PDLIM5: variants seen among roughly 807,000 people sequenced by gnomAD.
PDLIM5 encodes the protein PDZ and LIM domain 5.
Under a neutral mutation model 64.2 loss-of-function variants are expected in PDLIM5, and 34 were observed. That is an observed-to-expected ratio of 0.53 (90% CI 0.40 to 0.71). The LOEUF is 0.71. Among genes scored for constraint, PDLIM5 ranks in the 30% least tolerant of loss-of-function variants. PDLIM5 has a pLI of 0.00. For synonymous variants in PDLIM5, 253 were observed against 269.1 expected (o/e 0.94, Z 0.59); for missense variants, 683 against 733.6 (o/e 0.93, Z 0.80).
chr4:94,485,943 G>A (rs1264578323), intron 2 of PDLIM5, among the ~76,000 whole-genome samples: 2 of 151,968 alleles, frequency 1.3e-5, no homozygotes, highest in Admixed American at 6.6e-5. Context: ...TGTGGTGAAA[G>A]GTCAGTCAAT....
At chr4:94,476,693 A>C (rs1394114248) in intron 2 of PDLIM5, among the ~76,000 whole-genome samples, 1 of 152,070 alleles carries the variant, frequency 6.6e-6, no homozygotes, top group African/African-American at 2.4e-5. Context: ...CATGCTTATA[A>C]TAGTTTAGAG....
chr4:94,596,283 A>T (rs1266860938), intron 7 of PDLIM5, among the ~76,000 whole-genome samples: 1 of 152,112 alleles, frequency 6.6e-6, no homozygotes, highest in Non-Finnish European at 1.5e-5. Flanking sequence ...AAGATCTGTT[A>T]TTTATAAAAG....
At position 94,472,387 on chromosome 4, in the gene PDLIM5, AGTTTTGTTTT is replaced by A. The variant is rs544194695; in HGVS notation, c.96+17019_96+17028del. On this transcript the variant is annotated intron_variant, in intron 2 of 12. Coordinates refer to ENST00000317968, the MANE Select transcript of PDLIM5 (RefSeq NM_006457.5). ...TTCCACAGTGATTGCCATTCAGTGT[AGTTTTGTTTT>A]GTTTTGTTTTGTTTTAGATTCTTTT... 6.6e-5 allele frequency among the ~76,000 whole-genome samples: 10 copies of A among 152,222 alleles called. No homozygotes were observed. The East Asian group carries it at 9.6e-4, about 15-fold the overall frequency.
chr4:94,657,317 G>A, intron 10 of PDLIM5, 110 bp from the exon 11 acceptor site: 1 of 665,468 alleles, frequency 1.5e-6, no homozygotes, highest in Non-Finnish European at 2.6e-6. Flanking sequence ...AAGTATGTGT[G>A]CCTACTTTGG....
At chr4:94,559,121 T>C (rs1733622828) in intron 3 of PDLIM5, among the ~76,000 whole-genome samples, 1 of 152,104 alleles carries the variant, frequency 6.6e-6, no homozygotes, top group Non-Finnish European at 1.5e-5. Flanking sequence ...CCTGAAAAAA[T>C]AAAAAAGATA....
At chr4:94,564,073 C>T (rs2110248388) in intron 3 of PDLIM5, among the ~76,000 whole-genome samples, 1 of 151,408 alleles carries the variant, frequency 6.6e-6, no homozygotes, top group East Asian at 2.0e-4. Flanking sequence ...AAGCGATTCT[C>T]CTGCCTCAGC....
In PDLIM5 at chr4:94,585,099, GT is replaced by G. The variant is rs957251708; in HGVS notation, c.711-459del. 3.2e-5 allele frequency: 23 copies of G among 711,840 alleles called. No homozygotes were observed. The African/African-American group carries it at 3.3e-4, about 10-fold the overall frequency. 44.1% of individuals were successfully genotyped at this position (711,840 alleles called of 1,614,324 possible). ...ATAATTTAAAAGGTTTTTTTGTTTT[GT>G]TTTTTTGTGAAACAGAGTCTCGCTC... On this transcript the variant is annotated intron_variant, in intron 5 of 12. Transcript: ENST00000317968.
intron 7 of PDLIM5, among the ~76,000 whole-genome samples, chr4:94,613,839 T>G (rs539213076): frequency 6.6e-6 from 1 of 152,172 alleles, no homozygotes; most frequent in African/African-American, 2.4e-5. Context: ...AAAATAGCAA[T>G]CTAATTTAAG....
chr4:94,629,477 G>A (rs1344724018), intron 8 of PDLIM5, among the ~76,000 whole-genome samples: 1 of 152,104 alleles, frequency 6.6e-6, no homozygotes, highest in Non-Finnish European at 1.5e-5. Context: ...GCTTTTACTT[G>A]TATCTCTGAC....
chr4:94,648,635 T>A (rs1317426008), intron 9 of PDLIM5, among the ~76,000 whole-genome samples: 2 of 152,156 alleles, frequency 1.3e-5, no homozygotes, highest in Admixed American at 1.3e-4. Context: ...AGTCTATGGG[T>A]TAGCTGAGTA....
chr4:94,566,276 G>A (rs1734309384), intron 3 of PDLIM5, among the ~76,000 whole-genome samples: 1 of 152,132 alleles, frequency 6.6e-6, no homozygotes, highest in Non-Finnish European at 1.5e-5. Flanking sequence ...ACTTTGTCAG[G>A]AAGAATAAAT....
intron 12 of PDLIM5, among the ~76,000 whole-genome samples, chr4:94,663,273 G>T (rs1285391621): frequency 6.6e-6 from 1 of 152,054 alleles, no homozygotes; most frequent in Non-Finnish European, 1.5e-5. Flanking sequence ...CATTACCATT[G>T]AACTTTTGCT....
rs1278769868 is a variant in PDLIM5 at position 94,665,328 on chromosome 4, A to G, written c.*1261A>G. On this transcript the variant is annotated 3_prime_UTR_variant, in exon 13 of 13. Transcript: ENST00000317968. The stretch of plus-strand genomic sequence containing the variant: ...GAAACCCTGTCTCTACTAAAAATAC[A>G]AAAATGAGCTGGGCATGGTGGGGCG... The G allele has an allele frequency of 4.1e-6, 1 of 243,502 alleles. No homozygotes were observed. The highest frequency in any genetic ancestry group is 2.3e-5 in the African/African-American group (1 of 43,012). 15.1% of individuals were successfully genotyped at this position (243,502 alleles called of 1,614,324 possible). A position where few individuals can be genotyped will look rare whatever the true frequency, so the allele number is the denominator to read the frequency against.
intron 9 of PDLIM5, among the ~76,000 whole-genome samples, chr4:94,646,598 C>T (rs1299805309): frequency 6.6e-6 from 1 of 152,134 alleles, no homozygotes; most frequent in Non-Finnish European, 1.5e-5. Flanking sequence ...AGAGATGCAT[C>T]TAGGATTACA....
Position 94,666,791 on chromosome 4 carries a change from G to A in PDLIM5, c.*2724G>A, listed in dbSNP as rs902016474. 2.6e-5 allele frequency: 4 copies of A among 152,140 alleles called. No homozygotes were observed. The highest frequency in any genetic ancestry group is 6.5e-5 in the Admixed American group (1 of 15,276). 9.4% of individuals were successfully genotyped at this position (152,140 alleles called of 1,614,324 possible). A position where few individuals can be genotyped will look rare whatever the true frequency, so the allele number is the denominator to read the frequency against. ...TTCTCCAAATTTTATGCCTGAAAGG[G>A]TAGTGTTGCTTCCTAAGGTATCATG... On this transcript the variant is annotated 3_prime_UTR_variant, in exon 13 of 13. Transcript: ENST00000317968.
chr4:94,587,644 T>C, intron 7 of PDLIM5: 1 of 979,928 alleles, frequency 1.0e-6, no homozygotes, highest in Non-Finnish European at 1.2e-6. Context: ...GTAGGTACTA[T>C]TCAGGATGGC....
intron 10 of PDLIM5, among the ~76,000 whole-genome samples, chr4:94,655,887 G>A (rs1349511745): frequency 1.3e-5 from 2 of 152,150 alleles, no homozygotes; most frequent in Non-Finnish European, 2.9e-5. Flanking sequence ...GATGGAAAGG[G>A]AAGAATATTC....
At chr4:94,527,088 ACACTGTCACCC>A (rs1681642335) in intron 3 of PDLIM5, among the ~76,000 whole-genome samples, 1 of 105,724 alleles carries the variant, frequency 9.5e-6, no homozygotes, top group Non-Finnish European at 1.8e-5. Context: ...ACAGAGTCTC[ACACTGTCACCC>A]GGGCTGAAGT....
intron 3 of PDLIM5, among the ~76,000 whole-genome samples, chr4:94,524,387 A>AC: frequency 6.6e-6 from 1 of 151,052 alleles, no homozygotes; most frequent in Non-Finnish European, 1.5e-5. Context: ...AAAAAAAAAA[A>AC]AAAAAAATTG....
Sources: gnomAD v4.1 joint callset for allele counts (sites outside exome capture counted in the v4.1 genomes callset) on GRCh38, gnomAD v4.1.1 for gene constraint, MANE v1.5 for transcripts, NCBI Gene and HGNC (gene_info 2026-07-23, HGNC 2026-07-21) for gene names.